Variants in KANK1 observed in about 807,000 individuals in gnomAD.
KANK1 encodes the protein KN motif and ankyrin repeat domain-containing protein 1.
In KANK1, 109 loss-of-function variants were observed where a neutral mutation model predicts 106.2. That is an observed-to-expected ratio of 1.03 (90% CI 0.88 to 1.20). The LOEUF (loss-of-function observed/expected upper bound fraction) is 1.20. Ranked by LOEUF, KANK1 falls within the 50% of genes most tolerant of loss-of-function variation. The pLI is 0.00. For synonymous variants in KANK1, 873 were observed against 652.2 expected (o/e 1.34, Z -5.16); for missense variants, 2,399 against 1,710.7 (o/e 1.40, Z -7.10).
chr9:604,535 G>C (rs1327235193), intron 1 of KANK1, among the ~76,000 whole-genome samples: 1 of 151,746 alleles, frequency 6.6e-6, no homozygotes, highest in Non-Finnish European at 1.5e-5. Context: ...CTTCCACCGT[G>C]ATTATAAGTT....
At chr9:725,660 T>TTGGC (rs1234934967) in intron 3 of KANK1, among the ~76,000 whole-genome samples, 1 of 152,170 alleles carries the variant, frequency 6.6e-6, no homozygotes. Context: ...ATGCCATCAC[T>TTGGC]TGGCCCCCAT....
intron 3 of KANK1, 107 bp from the exon 4 acceptor site, chr9:729,944 G>GGGA: frequency 1.0e-6 from 1 of 959,014 alleles, no homozygotes; most frequent in East Asian, 2.6e-5. Flanking sequence ...TTTGGTGGCT[G>GGGA]GGATAATAGT....
At chr9:569,818 CAG>C (rs1355327422) in intron 1 of KANK1, among the ~76,000 whole-genome samples, 3 of 151,794 alleles carry the variant, frequency 2.0e-5, no homozygotes, top group Non-Finnish European at 2.9e-5. Flanking sequence ...ATTTTTCAAA[CAG>C]ATTGGGTGTT....
At chr9:486,538 C>A (rs376113821) in intron 3 of KANK1, among the ~76,000 whole-genome samples, 21 of 152,232 alleles carry the variant, frequency 1.4e-4, no homozygotes, top group African/African-American at 4.3e-4. Context: ...ATAACTTCTC[C>A]AAGGTTATAT....
chr9:595,372 C>G (rs1588108686), intron 1 of KANK1, among the ~76,000 whole-genome samples: 1 of 151,850 alleles, frequency 6.6e-6, no homozygotes, highest in Non-Finnish European at 1.5e-5. Flanking sequence ...TGAAAGCACT[C>G]TGAAGGGGAG....
At chr9:729,968 A>G in intron 3 of KANK1, 83 bp from the exon 4 acceptor site, 1 of 1,192,878 alleles carries the variant, frequency 8.4e-7, no homozygotes, top group Non-Finnish European at 1.2e-6. Flanking sequence ...ATTTTAAATT[A>G]TGAGTGGCAA....
intron 1 of KANK1, 101 bp from the exon 2 acceptor site, chr9:676,789 C>G (rs186176448): frequency 3.6e-6 from 2 of 548,340 alleles, no homozygotes; most frequent in East Asian, 3.1e-5. Context: ...ATTCCGATTT[C>G]CTTTCTCTGT....
intron 1 of KANK1, among the ~76,000 whole-genome samples, chr9:557,864 G>A (rs969576123): frequency 6.6e-6 from 1 of 152,188 alleles, no homozygotes; most frequent in South Asian, 2.1e-4. Context: ...AATTAGCTGG[G>A]CATGGTGGCA....
intron 1 of KANK1, among the ~76,000 whole-genome samples, chr9:551,399 T>G (rs2061274564): frequency 1.3e-5 from 2 of 152,120 alleles, no homozygotes; most frequent in Admixed American, 6.6e-5. Context: ...GCTGTCAGTT[T>G]AAATTCAGAG....
chr9:569,902 AC>A (rs1818742937), intron 1 of KANK1, among the ~76,000 whole-genome samples: 1 of 151,824 alleles, frequency 6.6e-6, no homozygotes, highest in African/African-American at 2.4e-5. Flanking sequence ...TCTGTTCTCA[AC>A]CTTCATCAGA....
chr9:591,580 A>G (rs1824891980), intron 1 of KANK1, among the ~76,000 whole-genome samples: 1 of 151,812 alleles, frequency 6.6e-6, no homozygotes, highest in South Asian at 2.1e-4. Flanking sequence ...CCTGTCCCTG[A>G]AATTCTGCAG....
chr9:581,491 A>C (rs1822143363), intron 1 of KANK1, among the ~76,000 whole-genome samples: 1 of 147,760 alleles, frequency 6.8e-6, no homozygotes, highest in African/African-American at 2.5e-5. Context: ...TTGAACTAAG[A>C]AAATACATAG....
intron 1 of KANK1, among the ~76,000 whole-genome samples, chr9:616,719 T>G (rs1206713660): frequency 6.7e-6 from 1 of 150,232 alleles, no homozygotes; most frequent in Non-Finnish European, 1.5e-5. Flanking sequence ...ATGCTACACG[T>G]CCATTATTTG....
At chr9:534,064 G>GT (rs967378806) in intron 1 of KANK1, among the ~76,000 whole-genome samples, 4 of 151,528 alleles carry the variant, frequency 2.6e-5, no homozygotes, top group African/African-American at 7.3e-5. Flanking sequence ...TTGGGAGAAA[G>GT]GGGGGGGCAG....
chr9:550,134 T>C (rs2061185069), intron 1 of KANK1, among the ~76,000 whole-genome samples: 1 of 152,242 alleles, frequency 6.6e-6, no homozygotes, highest in South Asian at 2.1e-4. Flanking sequence ...GTTACCTGTT[T>C]GCAAGCAATC....
Position 617,375 on chromosome 9 carries a change from G to A in KANK1, c.-83-59515G>A, listed in dbSNP as rs947428774. Among the ~76,000 whole-genome samples the A allele has an allele frequency of 9.2e-5, 14 of 152,112 alleles. 1 individual carries two copies. The highest frequency in any genetic ancestry group is 2.9e-4 in the African/African-American group (12 of 41,414). On this transcript the variant is annotated intron_variant, in intron 1 of 11. Transcript: ENST00000382297. Reference sequence around the variant, plus strand: ...AAGGATTGGGGAGGAGGGGGGTTGTGGCAAATGTCTAAAACCTATGTTTTA... The same window carrying A: ...AAGGATTGGGGAGGAGGGGGGTTGTAGCAAATGTCTAAAACCTATGTTTTA...
At chr9:483,862 T>G (rs1018122748) in intron 3 of KANK1, among the ~76,000 whole-genome samples, 7 of 151,996 alleles carry the variant, frequency 4.6e-5, no homozygotes, top group African/African-American at 1.7e-4. Flanking sequence ...CATACAGATG[T>G]GAAGTAACTG....
At chr9:531,586 G>A (rs1391240520) in intron 1 of KANK1, among the ~76,000 whole-genome samples, 1 of 152,196 alleles carries the variant, frequency 6.6e-6, no homozygotes, top group Non-Finnish European at 1.5e-5. Flanking sequence ...TGATTGTGGG[G>A]ACTCTGTCAT....
At chr9:512,118 A>G (rs2059055659) in intron 1 of KANK1, among the ~76,000 whole-genome samples, 1 of 152,200 alleles carries the variant, frequency 6.6e-6, no homozygotes, top group African/African-American at 2.4e-5. Context: ...TCTTCATGGC[A>G]ACTACATGTC....
Sources: gnomAD v4.1 joint callset for allele counts (sites outside exome capture counted in the v4.1 genomes callset) on GRCh38, gnomAD v4.1.1 for gene constraint, MANE v1.5 for transcripts, NCBI Gene and HGNC (gene_info 2026-07-23, HGNC 2026-07-21) for gene names.